The following DCDC2 variants were observed in gnomAD, a reference collection of about 807,000 sequenced individuals.
DCDC2 encodes the protein doublecortin domain containing 2, also known as doublecortin domain-containing protein 2.
DCDC2 carries 40 observed loss-of-function variants against 50.2 expected under a neutral mutation model. The observed-to-expected ratio is 0.80, with a 90% CI of 0.62 to 1.04. The LOEUF is 1.04. Among genes scored for constraint, DCDC2 ranks in the 50% least tolerant of loss-of-function variants. DCDC2 has a pLI of 0.00. For synonymous variants in DCDC2, 234 were observed against 210.6 expected, an observed-to-expected ratio of 1.11 and a Z score of -0.96; for missense variants, 570 against 581.9, an observed-to-expected ratio of 0.98 and a Z score of 0.21.
intron 7 of DCDC2, among the ~76,000 whole-genome samples, chr6:24,225,660 T>A (rs998223513): frequency 3.3e-5 from 5 of 151,966 alleles, no homozygotes; most frequent in African/African-American, 1.2e-4. Flanking sequence ...TATGATTTAC[T>A]TACATTTTAT....
chr6:24,301,232 G>T (rs1257759471), intron 4 of DCDC2, among the ~76,000 whole-genome samples: 2 of 151,728 alleles, frequency 1.3e-5, no homozygotes, highest in African/African-American at 4.8e-5. Context: ...TTAGCCGGGC[G>T]TGGTGGTGGG....
At chr6:24,246,690 T>C (rs913185997) in intron 7 of DCDC2, among the ~76,000 whole-genome samples, 8 of 152,024 alleles carry the variant, frequency 5.3e-5, no homozygotes, top group African/African-American at 1.9e-4. Context: ...TTTCACCATG[T>C]TGGCCAGGTT....
chr6:24,336,692 C>A (rs1760061790), intron 2 of DCDC2, among the ~76,000 whole-genome samples: 1 of 152,024 alleles, frequency 6.6e-6, no homozygotes, highest in South Asian at 2.1e-4. Flanking sequence ...GATAAAGCAG[C>A]CAATATAATG....
At chr6:24,359,341 A>T, upstream of DCDC2, among the ~76,000 whole-genome samples, 2 of 40,058 alleles carry the variant, frequency 5.0e-5, no homozygotes, top group East Asian at 6.4e-4. Flanking sequence ...TATATTATAT[A>T]TTATATATAT....
intron 2 of DCDC2, among the ~76,000 whole-genome samples, chr6:24,304,766 G>A (rs1468656097): frequency 6.6e-6 from 1 of 152,094 alleles, no homozygotes; most frequent in Non-Finnish European, 1.5e-5. Context: ...ATTTATCATG[G>A]AGATTGTTTC....
intron 7 of DCDC2, among the ~76,000 whole-genome samples, chr6:24,227,710 CT>C (rs1013540887): frequency 1.4e-4 from 22 of 152,192 alleles, no homozygotes; most frequent in African/African-American, 5.1e-4. Flanking sequence ...CAGAATCCAC[CT>C]GCTGGTTTTG....
chr6:24,348,483 T>A (rs193279998), intron 2 of DCDC2, among the ~76,000 whole-genome samples: 1 of 152,258 alleles, frequency 6.6e-6, no homozygotes, highest in East Asian at 1.9e-4. Flanking sequence ...TCCTGTTAAT[T>A]TTATAGTTGG....
chr6:24,226,621 TAAAG>T, intron 7 of DCDC2, among the ~76,000 whole-genome samples: 1 of 152,252 alleles, frequency 6.6e-6, no homozygotes, highest in South Asian at 2.1e-4. Flanking sequence ...AAGAATAAAT[TAAAG>T]GAGAACAAAA....
intron 2 of DCDC2, among the ~76,000 whole-genome samples, chr6:24,336,062 G>T (rs1760052953): frequency 6.6e-6 from 1 of 152,166 alleles, no homozygotes; most frequent in Non-Finnish European, 1.5e-5. Context: ...CCAGGTTCTA[G>T]AGGAAGTATT....
In DCDC2 at chr6:24,246,684, A is replaced by G. The variant is rs976982123; in HGVS notation, c.922+31365T>C. Among the ~76,000 whole-genome samples, 3 of 151,658 alleles carry G rather than the reference A, an allele frequency of 2.0e-5. No individual in the cohort carries two copies. The East Asian group carries it at 5.8e-4, about 29-fold the overall frequency. On this transcript the variant is annotated intron_variant, in intron 7 of 9. Coordinates refer to ENST00000378454, the MANE Select transcript of DCDC2 (RefSeq NM_016356.5). ...GTATTTTTAGTAGAGACAGGGTTTC[A>G]CCATGTTGGCCAGGTTGGTCTTGAA...
chr6:24,268,679 C>T (rs1311303342), intron 7 of DCDC2, among the ~76,000 whole-genome samples: 1 of 152,080 alleles, frequency 6.6e-6, no homozygotes, highest in Non-Finnish European at 1.5e-5. Flanking sequence ...TCAAGCAATT[C>T]TCATGCCTTA....
intron 7 of DCDC2, among the ~76,000 whole-genome samples, chr6:24,276,414 C>CAA (rs56396342): frequency 0.53 from 77,102 of 145,848 alleles, 22,791 homozygotes; most frequent in East Asian, 0.77. Flanking sequence ...AGGCTTTTAA[C>CAA]AAAAAAAAAA....
At chr6:24,204,834 T>C (rs144160166) in intron 8 of DCDC2, among the ~76,000 whole-genome samples, 168 bp downstream of exon 8, 9 of 144,970 alleles carry the variant, frequency 6.2e-5, no homozygotes, top group African/African-American at 2.2e-4. Flanking sequence ...ACAGGAATAC[T>C]AGGAGAAAGA....
intron 7 of DCDC2, among the ~76,000 whole-genome samples, chr6:24,245,875 A>G (rs184355893): frequency 6.6e-6 from 1 of 152,266 alleles, no homozygotes; most frequent in Non-Finnish European, 1.5e-5. Flanking sequence ...GAAATGAAAA[A>G]TATTGTCATT....
intron 1 of DCDC2, chr6:24,357,222 T>C: frequency 2.3e-6 from 1 of 436,222 alleles, no homozygotes; most frequent in South Asian, 6.8e-5. Context: ...TTCCTGTTGT[T>C]TATACACAGA....
chr6:24,227,646 T>A (rs1167537610), intron 7 of DCDC2, among the ~76,000 whole-genome samples: 1 of 152,156 alleles, frequency 6.6e-6, no homozygotes, highest in African/African-American at 2.4e-5. Context: ...CCCCAAATTA[T>A]TCCTGGCAAC....
At position 24,265,277 on chromosome 6, in the gene DCDC2, AAAT is replaced by A. The variant is rs573577914; in HGVS notation, c.922+12769_922+12771del. Reference sequence around the variant, plus strand: ...ACTGAAGCACCCAGATATAAAAAGCAAATATTATTAAAGAGAGCAATAGACCCC... The same window carrying A: ...ACTGAAGCACCCAGATATAAAAAGCAATTATTAAAGAGAGCAATAGACCCC... On this transcript the variant is annotated intron_variant, in intron 7 of 9. Transcript: ENST00000378454. Among the ~76,000 whole-genome samples, 22 of 152,352 alleles carry A rather than the reference AAAT, an allele frequency of 1.4e-4. No homozygotes were observed. The East Asian group carries it at 3.9e-3, about 27-fold the overall frequency.
chr6:24,362,121 G>A (rs528861753), upstream of DCDC2, among the ~76,000 whole-genome samples: 1 of 152,172 alleles, frequency 6.6e-6, no homozygotes, highest in Admixed American at 6.5e-5. Context: ...ACAGATAGTA[G>A]TAAAATGTAG....
intron 8 of DCDC2, among the ~76,000 whole-genome samples, chr6:24,185,219 C>G (rs1185425827): frequency 2.6e-5 from 4 of 152,156 alleles, no homozygotes; most frequent in African/African-American, 9.7e-5. Context: ...AAGAAGACAA[C>G]TGGCCCTAAA....
Sources: gnomAD v4.1 joint callset for allele counts (sites outside exome capture counted in the v4.1 genomes callset) on GRCh38, gnomAD v4.1.1 for gene constraint, MANE v1.5 for transcripts, NCBI Gene and HGNC (gene_info 2026-07-23, HGNC 2026-07-21) for gene names.